Variants in ESRRG observed in about 807,000 individuals in gnomAD.
The protein encoded by ESRRG is estrogen-related receptor gamma.
Under a neutral mutation model 44.0 loss-of-function variants are expected in ESRRG, and 13 were observed. The ratio of observed to expected loss-of-function variants is 0.30; its 90% CI spans 0.19 to 0.47. The LOEUF is 0.47. ESRRG is among the 20% of genes least tolerant of loss of function. The probability of loss-of-function intolerance (pLI) is 1.00; values close to 1 mark genes in which losing one functional copy is unlikely to be tolerated. For missense variants in ESRRG, 395 were observed against 580.6 expected, an observed-to-expected ratio of 0.68 and a Z score of 3.29; for synonymous variants, 215 against 214.6, an observed-to-expected ratio of 1.00 and a Z score of -0.02.
chr1:217,127,746 T>C (rs191235425), intron 1 of ESRRG, among the ~76,000 whole-genome samples: 3 of 152,318 alleles, frequency 2.0e-5, no homozygotes, highest in Admixed American at 6.5e-5. Flanking sequence ...AAAATAATAG[T>C]ACCTACTTTG....
intron 2 of ESRRG, among the ~76,000 whole-genome samples, chr1:216,788,521 T>C (rs1399244167): frequency 6.6e-6 from 1 of 152,122 alleles, no homozygotes; most frequent in Admixed American, 6.6e-5. Flanking sequence ...TTACTGCCAA[T>C]TGACTATGTA....
intron 1 of ESRRG, among the ~76,000 whole-genome samples, chr1:217,016,312 T>C (rs1053974741): frequency 5.3e-5 from 8 of 152,102 alleles, no homozygotes; most frequent in Admixed American, 4.6e-4. Context: ...ATGGAACAGT[T>C]ACTAAATTTG....
At chr1:217,123,283 C>T (rs1177564364) in intron 1 of ESRRG, among the ~76,000 whole-genome samples, 1 of 152,140 alleles carries the variant, frequency 6.6e-6, no homozygotes, top group Non-Finnish European at 1.5e-5. Context: ...TCATCTTCTG[C>T]CTTGTCATTC....
chr1:216,533,144 A>G (rs781097703), intron 5 of ESRRG, among the ~76,000 whole-genome samples: 3 of 152,158 alleles, frequency 2.0e-5, no homozygotes, highest in Non-Finnish European at 2.9e-5. Flanking sequence ...GTGTAAATGC[A>G]CATCCATGTG....
chr1:216,925,497 C>T (rs539010352), intron 2 of ESRRG, among the ~76,000 whole-genome samples: 125 of 152,238 alleles, frequency 8.2e-4, no homozygotes, highest in Middle Eastern at 3.4e-3. Flanking sequence ...AGCAGCGGTT[C>T]CCGGAAGGAG....
At chr1:216,548,854 C>A (rs771627727) in intron 5 of ESRRG, among the ~76,000 whole-genome samples, 3 of 152,086 alleles carry the variant, frequency 2.0e-5, no homozygotes, top group Non-Finnish European at 4.4e-5. Context: ...AGGTACCCAA[C>A]ACATTTAAAA....
intron 1 of ESRRG, among the ~76,000 whole-genome samples, chr1:217,083,925 C>T (rs2091921607): frequency 6.6e-6 from 1 of 152,146 alleles, no homozygotes; most frequent in Non-Finnish European, 1.5e-5. Context: ...TGAAAACATA[C>T]AGGGCATGAA....
rs199738951 is a variant in ESRRG, at chr1:217,088,050, G to GA, written c.-106+1456dup. ...TGACAACATCAAATCTGCTGGACAG[G>GA]AAAAAAAAAAAAGAGAGAGAACCCT... On this transcript the variant is annotated intron_variant, in intron 1 of 7. Transcript: ENST00000359162. Among the ~76,000 whole-genome samples, 301 of 143,520 alleles carry GA rather than the reference G, an allele frequency of 2.1e-3. 1 individual carries two copies. The highest frequency in any genetic ancestry group is 5.1e-3 in the African/African-American group (196 of 38,776). 94.2% of individuals were successfully genotyped at this position (143,520 alleles called of 152,430 possible).
intron 2 of ESRRG, among the ~76,000 whole-genome samples, chr1:216,734,728 T>A (rs1349333212): frequency 6.6e-6 from 1 of 152,194 alleles, no homozygotes; most frequent in East Asian, 1.9e-4. Context: ...TTGAGTTTTT[T>A]AAAAATGAGT....
chr1:216,601,104 G>A (rs1026356905), intron 3 of ESRRG, among the ~76,000 whole-genome samples: 9 of 152,168 alleles, frequency 5.9e-5, no homozygotes, highest in African/African-American at 2.2e-4. Flanking sequence ...GCGGGTTGGG[G>A]AGCAAGGCCG....
rs71585811 is a variant in ESRRG, at chr1:217,088,398, C to CTTTTT, written c.-106+1104_-106+1108dup. Among the ~76,000 whole-genome samples, 30 of 59,734 alleles carry CTTTTT rather than the reference C, an allele frequency of 5.0e-4. 3 individuals carry two copies. Among genetic ancestry groups the CTTTTT allele is most frequent in the East Asian group, 1.2e-3 (2 of 1,608 alleles). 39.2% of individuals were successfully genotyped at this position (59,734 alleles called of 152,430 possible). A position where few individuals can be genotyped will look rare whatever the true frequency, so the allele number is the denominator to read the frequency against. ...TGCTGAGAATTTCTTTTTTTCCTGT[C>CTTTTT]TTTTTTTTTTTTTTTTTTTTTTTTT... On this transcript the variant is annotated intron_variant, in intron 1 of 7. Transcript: ENST00000359162.
At chr1:216,578,062 G>C (rs1285065220) in intron 3 of ESRRG, among the ~76,000 whole-genome samples, 5 of 151,954 alleles carry the variant, frequency 3.3e-5, no homozygotes, top group African/African-American at 7.2e-5. Flanking sequence ...TTTCTCTGGT[G>C]ATCATTATAA....
At chr1:216,583,868 C>T (rs1053769045) in intron 3 of ESRRG, among the ~76,000 whole-genome samples, 2 of 152,152 alleles carry the variant, frequency 1.3e-5, no homozygotes, top group Non-Finnish European at 2.9e-5. Context: ...TGCAGGGGAA[C>T]TCCTCTTTTT....
intron 1 of ESRRG, among the ~76,000 whole-genome samples, chr1:217,119,036 T>C (rs893799462): frequency 7.9e-5 from 12 of 151,258 alleles, no homozygotes; most frequent in African/African-American, 2.9e-4. Context: ...GATAGATAGA[T>C]AGATAGATAG....
intron 3 of ESRRG, among the ~76,000 whole-genome samples, chr1:216,598,090 T>C (rs1226094638): frequency 6.6e-6 from 1 of 152,220 alleles, no homozygotes; most frequent in Non-Finnish European, 1.5e-5. Context: ...TCATACATAT[T>C]AACTTACCAA....
chr1:216,864,357 A>G (rs1336064627), intron 2 of ESRRG: 1 of 150,484 alleles, frequency 6.6e-6, no homozygotes, highest in Non-Finnish European at 1.5e-5. Flanking sequence ...AAAACAGCCA[A>G]AGCCCAGTCC....
intron 2 of ESRRG, among the ~76,000 whole-genome samples, chr1:216,910,933 T>G (rs2060236651): frequency 6.6e-6 from 1 of 152,198 alleles, no homozygotes; most frequent in Non-Finnish European, 1.5e-5. Flanking sequence ...ACTCTACACT[T>G]CAACATAAAC....
intron 1 of ESRRG, among the ~76,000 whole-genome samples, chr1:217,094,880 A>G (rs976523725): frequency 3.3e-5 from 5 of 152,224 alleles, no homozygotes. Context: ...ATTCATTCAA[A>G]CATTTATTTA....
In ESRRG at chr1:216,691,259, T is replaced by A. The variant is rs553581079; in HGVS notation, c.57-13768A>T. 3.4e-4 allele frequency among the ~76,000 whole-genome samples: 52 copies of A among 152,286 alleles called. No individual in the cohort carries two copies. In the South Asian group the frequency reaches 0.01, roughly 30 times the overall value. On this transcript the variant is annotated intron_variant, in intron 1 of 6. Transcript: ENST00000408911. ...AAAAGAGGATAGTCATTTGATTTTT[T>A]AAAATATGGTTAAGCTATAAGTATA...
Sources: allele counts gnomAD v4.1 joint callset (sites outside exome capture counted in the v4.1 genomes callset), GRCh38; gene constraint gnomAD v4.1.1; transcripts MANE v1.5; gene names NCBI Gene and HGNC (gene_info 2026-07-23, HGNC 2026-07-21).